NCKAP5: variants seen among roughly 807,000 people sequenced by gnomAD.
NCKAP5 encodes the protein NCK associated protein 5.
A neutral mutation model predicts 167.0 loss-of-function variants in NCKAP5; 92 were observed. The observed-to-expected ratio is 0.55, with a 90% CI of 0.47 to 0.66. The LOEUF (loss-of-function observed/expected upper bound fraction) is 0.66. Among genes scored for constraint, NCKAP5 ranks in the 30% least tolerant of loss-of-function variants. The probability of loss-of-function intolerance (pLI) is 0.00; values close to 1 mark genes in which losing one functional copy is unlikely to be tolerated. For synonymous variants in NCKAP5, 891 were observed against 877.4 expected (o/e 1.02, Z -0.27); for missense variants, 2,378 against 2,315.0 (o/e 1.03, Z -0.56).
intron 11 of NCKAP5, among the ~76,000 whole-genome samples, chr2:132,799,021 G>A (rs368174993): frequency 4.6e-4 from 70 of 152,102 alleles, no homozygotes; most frequent in Non-Finnish European, 6.9e-4. Flanking sequence ...ATAAGTAGTG[G>A]AATGGATAAA....
At chr2:132,728,769 C>G in intron 18 of NCKAP5, 47 bp downstream of exon 18, 4 of 1,592,928 alleles carry the variant, frequency 2.5e-6, no homozygotes, top group Non-Finnish European at 2.6e-6. Context: ...TTTTTAGAAT[C>G]AGGACCAACA....
At chr2:132,695,082 A>G (rs1573901639) in intron 19 of NCKAP5, among the ~76,000 whole-genome samples, 1 of 152,272 alleles carries the variant, frequency 6.6e-6, no homozygotes, top group East Asian at 1.9e-4. Flanking sequence ...TTTCATAAGA[A>G]CACTAATTCC....
intron 3 of NCKAP5, among the ~76,000 whole-genome samples, chr2:133,412,175 G>T (rs1166075277): frequency 6.6e-6 from 1 of 152,136 alleles, no homozygotes; most frequent in Non-Finnish European, 1.5e-5. Flanking sequence ...AGCTCGCGAG[G>T]ATAGAGCCCT....
intron 18 of NCKAP5, among the ~76,000 whole-genome samples, chr2:132,727,417 A>T (rs1690567815): frequency 6.6e-6 from 1 of 152,204 alleles, no homozygotes; most frequent in Admixed American, 6.5e-5. Flanking sequence ...CAGTGGCAGC[A>T]ATGCTCTGTG....
At chr2:133,333,164 T>G (rs538651737) in intron 3 of NCKAP5, among the ~76,000 whole-genome samples, 1 of 152,332 alleles carries the variant, frequency 6.6e-6, no homozygotes, top group Non-Finnish European at 1.5e-5. Context: ...AGAAGTGCAC[T>G]TTCTATTACT....
intron 4 of NCKAP5, among the ~76,000 whole-genome samples, chr2:133,275,402 A>G (rs1426393934): frequency 6.6e-6 from 1 of 152,120 alleles, no homozygotes. Context: ...ACATACACAC[A>G]TACACACAAC....
chr2:132,842,509 A>G (rs58288738), intron 11 of NCKAP5, among the ~76,000 whole-genome samples: 11,968 of 151,894 alleles, frequency 0.079, 683 homozygotes, highest in African/African-American at 0.16. Context: ...ATTTTCTAAT[A>G]CTAAAGATAT....
chr2:132,987,410 T>C (rs1392873038), intron 7 of NCKAP5, among the ~76,000 whole-genome samples: 1 of 152,184 alleles, frequency 6.6e-6, no homozygotes, highest in East Asian at 1.9e-4. Context: ...GATATATATT[T>C]CATGATTGAT....
chr2:133,387,224 C>G (rs530722461), intron 3 of NCKAP5, among the ~76,000 whole-genome samples: 34 of 152,142 alleles, frequency 2.2e-4, no homozygotes, highest in Admixed American at 9.2e-4. Context: ...TTCAGGAGCT[C>G]TTGTAGGGCA....
intron 6 of NCKAP5, among the ~76,000 whole-genome samples, chr2:133,046,910 A>T (rs1457825295): frequency 6.6e-6 from 1 of 152,204 alleles, no homozygotes; most frequent in Non-Finnish European, 1.5e-5. Context: ...GTATCCAGAC[A>T]TCCTTGAACC....
At chr2:132,722,940 C>G (rs571628047) in intron 19 of NCKAP5, among the ~76,000 whole-genome samples, 2 of 151,946 alleles carry the variant, frequency 1.3e-5, no homozygotes, top group African/African-American at 4.8e-5. Flanking sequence ...CTTCCTCTCC[C>G]GAGTAGCTGG....
intron 5 of NCKAP5, among the ~76,000 whole-genome samples, chr2:133,209,939 G>A (rs921898180): frequency 2.6e-5 from 4 of 151,894 alleles, no homozygotes; most frequent in Non-Finnish European, 2.9e-5. Context: ...AGGTCAAGGC[G>A]GGATTACCTG....
chr2:133,343,508 TA>T (rs1402331220), intron 3 of NCKAP5, among the ~76,000 whole-genome samples: 7 of 151,622 alleles, frequency 4.6e-5, no homozygotes, highest in East Asian at 3.9e-4. Context: ...GGGCAAAAAT[TA>T]AAAAAAAATT....
intron 3 of NCKAP5, among the ~76,000 whole-genome samples, chr2:133,449,754 C>T (rs185256005): frequency 6.6e-6 from 1 of 151,912 alleles, no homozygotes; most frequent in Non-Finnish European, 1.5e-5. Context: ...TGTGCTGTAT[C>T]GATTTGAACT....
rs148812455 is a variant in NCKAP5, at chr2:133,066,297, T to C, written c.341+63681A>G. Among the ~76,000 whole-genome samples the C allele has an allele frequency of 2.0e-5, 3 of 152,370 alleles. 1 individual carries two copies. In the East Asian group the frequency reaches 5.8e-4, roughly 29 times the overall value. On this transcript the variant is annotated intron_variant, in intron 6 of 19. Transcript: ENST00000409261. Reference sequence around the variant, plus strand: ...GCCAGCCTTGTCATCATCTTTCTCTTTGTTTTCAATAAGTGTTCCTTGTTC... The same window carrying C: ...GCCAGCCTTGTCATCATCTTTCTCTCTGTTTTCAATAAGTGTTCCTTGTTC...
intron 3 of NCKAP5, among the ~76,000 whole-genome samples, chr2:133,453,504 T>G (rs1433439775): frequency 6.6e-6 from 1 of 152,076 alleles, no homozygotes; most frequent in African/African-American, 2.4e-5. Flanking sequence ...TGAACAAAGA[T>G]GTTCACTGCA....
chr2:133,448,326 C>T (rs1559492365), intron 3 of NCKAP5, among the ~76,000 whole-genome samples: 1 of 151,746 alleles, frequency 6.6e-6, no homozygotes, highest in Non-Finnish European at 1.5e-5. Flanking sequence ...ACAAATCAAA[C>T]CTTTGAATCA....
chr2:133,347,160 T>C (rs949370511), intron 3 of NCKAP5, among the ~76,000 whole-genome samples: 1 of 152,248 alleles, frequency 6.6e-6, no homozygotes, highest in African/African-American at 2.4e-5. Context: ...ATGTTACGGA[T>C]AATGTATTTT....
intron 3 of NCKAP5, among the ~76,000 whole-genome samples, chr2:133,500,806 C>A (rs1682441461): frequency 6.6e-6 from 1 of 152,174 alleles, no homozygotes; most frequent in South Asian, 2.1e-4. Flanking sequence ...TGACAGATTT[C>A]TTTCCCTATA....
Sources: allele counts gnomAD v4.1 joint callset (sites outside exome capture counted in the v4.1 genomes callset), GRCh38; gene constraint gnomAD v4.1.1; transcripts MANE v1.5; gene names NCBI Gene and HGNC (gene_info 2026-07-23, HGNC 2026-07-21).